The following HS1BP3 variants were observed in gnomAD, a reference collection of about 807,000 sequenced individuals.
HS1BP3 encodes the protein HCLS1 binding protein 3, also known as HCLS1-binding protein 3.
In HS1BP3, 32 loss-of-function variants were observed where a neutral mutation model predicts 33.5. The observed-to-expected ratio is 0.95, with a 90% confidence interval of 0.72 to 1.28. The LOEUF (loss-of-function observed/expected upper bound fraction) is 1.28, where lower values mean the gene tolerates loss of function less well. Ranked by LOEUF, HS1BP3 falls within the 50% of genes most tolerant of loss-of-function variation. The pLI, the probability that HS1BP3 is intolerant of heterozygous loss-of-function variation, is 0.00. For synonymous variants in HS1BP3, 187 were observed against 209.2 expected (o/e 0.89, Z 0.92); for missense variants, 486 against 502.3 (o/e 0.97, Z 0.31).
downstream of HS1BP3, among the ~76,000 whole-genome samples, chr2:20,558,825 C>G (rs544369586): frequency 6.6e-6 from 1 of 152,238 alleles, no homozygotes; most frequent in Non-Finnish European, 1.5e-5. Context: ...ACTGGGGGGC[C>G]CATGACCACA....
At chr2:20,633,035 C>A (rs1247091123) in intron 4 of HS1BP3, among the ~76,000 whole-genome samples, 1 of 152,250 alleles carries the variant, frequency 6.6e-6, no homozygotes, top group Non-Finnish European at 1.5e-5. Context: ...AGTGCTCCAT[C>A]TCATTTTATC....
At chr2:20,639,021 G>A (rs1474187571) in intron 3 of HS1BP3, among the ~76,000 whole-genome samples, 1 of 152,232 alleles carries the variant, frequency 6.6e-6, no homozygotes, top group Non-Finnish European at 1.5e-5. Flanking sequence ...CGGGTGAGCG[G>A]TGGGATACAA....
chr2:20,599,047 C>A (rs1303813097), intron 2 of HS1BP3, among the ~76,000 whole-genome samples: 1 of 152,188 alleles, frequency 6.6e-6, no homozygotes, highest in Non-Finnish European at 1.5e-5. Context: ...AAACCAGAGA[C>A]AAGCGCAGGA....
chr2:20,599,972 T>C (rs1223041634), intron 2 of HS1BP3, among the ~76,000 whole-genome samples: 2 of 152,122 alleles, frequency 1.3e-5, no homozygotes, highest in Non-Finnish European at 2.9e-5. Context: ...CAGTGAGAGC[T>C]GATTCCAGAT....
chr2:20,575,921 C>T (rs1371896111), intron 5 of HS1BP3, among the ~76,000 whole-genome samples: 1 of 152,218 alleles, frequency 6.6e-6, no homozygotes, highest in East Asian at 1.9e-4. Flanking sequence ...AAGTTCCTGA[C>T]AGGCAATGGG....
intron 6 of HS1BP3, chr2:20,622,453 C>CGCTCTGTGGTGCCCCTT: frequency 1.8e-6 from 1 of 545,680 alleles, no homozygotes; most frequent in Non-Finnish European, 3.1e-6. Context: ...AGGGGCACCA[C>CGCTCTGTGGTGCCCCTT]AGAGTGGGGG....
chr2:20,569,686 C>A (rs1693219295), intron 5 of HS1BP3, among the ~76,000 whole-genome samples: 1 of 152,216 alleles, frequency 6.6e-6, no homozygotes, highest in South Asian at 2.1e-4. Flanking sequence ...TCCTCCTGAT[C>A]CTCCGACTCC....
chr2:20,641,248 C>T, intron 2 of HS1BP3, 68 bp from the exon 3 acceptor site: 1 of 1,403,504 alleles, frequency 7.1e-7, no homozygotes, highest in Non-Finnish European at 9.8e-7. Context: ...CTCACCCCGA[C>T]CAGGGGTTCC....
intron 5 of HS1BP3, among the ~76,000 whole-genome samples, chr2:20,568,422 G>A (rs1174633971): frequency 6.6e-6 from 1 of 152,218 alleles, no homozygotes; most frequent in Non-Finnish European, 1.5e-5. Context: ...GGGTAATGGA[G>A]GAAGGGGCCA....
intron 5 of HS1BP3, among the ~76,000 whole-genome samples, chr2:20,565,871 G>A (rs549634247): frequency 4.1e-4 from 62 of 152,362 alleles, no homozygotes; most frequent in African/African-American, 1.5e-3. Context: ...TAGAGTCAGG[G>A]CTGGAACTGG....
At chr2:20,570,962 T>G (rs1401786712) in intron 5 of HS1BP3, among the ~76,000 whole-genome samples, 1 of 151,902 alleles carries the variant, frequency 6.6e-6, no homozygotes, top group Non-Finnish European at 1.5e-5. Context: ...CTAAAGGCAC[T>G]AGGGAGCCAG....
At chr2:20,636,091 G>C (rs993330638) in intron 4 of HS1BP3, 2 of 152,398 alleles carry the variant, frequency 1.3e-5, no homozygotes. Context: ...GGCAGGGCAA[G>C]CTGGGAAACG....
At chr2:20,587,922 G>A (rs527392695), downstream of HS1BP3, among the ~76,000 whole-genome samples, 2 of 152,004 alleles carry the variant, frequency 1.3e-5, no homozygotes, top group South Asian at 2.1e-4. Context: ...CTGTCTCAAC[G>A]TCCGGGCCTC....
Position 20,624,742 on chromosome 2 carries a change from T to C in HS1BP3, c.774A>G (p.Ser258=). 1.2e-6 allele frequency: 2 copies of C among 1,600,476 alleles called. No individual in the cohort carries two copies. The highest frequency in any genetic ancestry group is 1.1e-5 in the South Asian group (1 of 90,506). ...TGGGGCTCTACTTACGGTCCACGGATGACACGTCCTCCGAGGGGTCCTGTG... is the reference window on the plus strand; with the variant it reads ...TGGGGCTCTACTTACGGTCCACGGACGACACGTCCTCCGAGGGGTCCTGTG... ...LSPQDPSEDV[S]SVDPLKLFDD... Residue 258 remains serine, a synonymous_variant, in exon 5 of 7, where the codon TCA becomes TCG. Transcript: ENST00000304031.
chr2:20,623,675 C>T (rs940761789), intron 6 of HS1BP3: 4 of 453,062 alleles, frequency 8.8e-6, no homozygotes, highest in African/African-American at 6.1e-5. Context: ...ACAAAGTTCT[C>T]TCTTTCTGGA....
intron 2 of HS1BP3, among the ~76,000 whole-genome samples, chr2:20,608,628 C>A (rs898225098): frequency 1.3e-5 from 2 of 150,564 alleles, no homozygotes; most frequent in Admixed American, 6.6e-5. Flanking sequence ...CTGTCTTGTT[C>A]CTGATCTTCG....
At chr2:20,585,005 A>C (rs1445879625) in intron 5 of HS1BP3, among the ~76,000 whole-genome samples, 1 of 152,218 alleles carries the variant, frequency 6.6e-6, no homozygotes, top group Non-Finnish European at 1.5e-5. Context: ...GGACAATCTA[A>C]GCAGGGCCTC....
intron 2 of HS1BP3, among the ~76,000 whole-genome samples, chr2:20,609,773 G>A (rs1292848112): frequency 1.3e-5 from 2 of 152,206 alleles, no homozygotes; most frequent in East Asian, 3.9e-4. Context: ...GCCAATTGAG[G>A]ATTCTGACCC....
chr2:20,587,574 A>G (rs1366840243), intron 5 of HS1BP3, among the ~76,000 whole-genome samples: 2 of 152,194 alleles, frequency 1.3e-5, no homozygotes, highest in Non-Finnish European at 2.9e-5. Flanking sequence ...CCATGGTCCC[A>G]TGGTAGGTCA....
Sources: gnomAD v4.1 joint callset for allele counts (sites outside exome capture counted in the v4.1 genomes callset) on GRCh38, gnomAD v4.1.1 for gene constraint, MANE v1.5 for transcripts, NCBI Gene and HGNC (gene_info 2026-07-23, HGNC 2026-07-21) for gene names.